FMO1: variants seen among roughly 807,000 people sequenced by gnomAD.
FMO1 encodes flavin-containing monooxygenase 1.
FMO1 carries 36 observed loss-of-function variants against 45.4 expected under a neutral mutation model. The ratio of observed to expected loss-of-function variants is 0.79; its 90% CI spans 0.61 to 1.05. FMO1 has a LOEUF of 1.05. FMO1 is among the 50% of genes least tolerant of loss of function. The pLI, the probability that FMO1 is intolerant of heterozygous loss-of-function variation, is 0.00. For missense variants in FMO1, 615 were observed against 640.3 expected (o/e 0.96, Z 0.43); for synonymous variants, 228 against 227.2 (o/e 1.00, Z -0.03).
At chr1:171,251,182 A>G (rs1240802286) in intron 1 of FMO1, among the ~76,000 whole-genome samples, 2 of 152,198 alleles carry the variant, frequency 1.3e-5, no homozygotes. Flanking sequence ...AATATCAATT[A>G]CCCTCTAACG....
intron 3 of FMO1, among the ~76,000 whole-genome samples, chr1:171,273,835 A>G (rs1467704613): frequency 6.6e-6 from 1 of 152,160 alleles, no homozygotes; most frequent in Non-Finnish European, 1.5e-5. Flanking sequence ...ATTTTAGAAC[A>G]ATTTTTAAAA....
chr1:171,257,019 A>G (rs902569994), intron 1 of FMO1, among the ~76,000 whole-genome samples: 4 of 152,216 alleles, frequency 2.6e-5, no homozygotes, highest in Non-Finnish European at 5.9e-5. Context: ...ATTCTTGGAA[A>G]TGCTTTTAAA....
At chr1:171,256,201 A>G (rs1183728648) in intron 1 of FMO1, among the ~76,000 whole-genome samples, 3 of 137,890 alleles carry the variant, frequency 2.2e-5, no homozygotes, top group Non-Finnish European at 4.6e-5. Flanking sequence ...TGAACCTAGG[A>G]GGCAGAGCTT....
intron 1 of FMO1, among the ~76,000 whole-genome samples, chr1:171,253,003 G>A (rs899487792): frequency 2.0e-5 from 3 of 152,082 alleles, no homozygotes; most frequent in African/African-American, 2.4e-5. Context: ...GATATTGTGC[G>A]CCTCCACATT....
Position 171,275,427 on chromosome 1 carries a change from C to T in FMO1, c.403C>T (p.Gln135Ter), listed in dbSNP as rs774200658. 2 of 1,613,550 alleles carry T rather than the reference C, an allele frequency of 1.2e-6. No homozygotes were observed. The highest frequency in any genetic ancestry group is 1.7e-6 in the Non-Finnish European group (2 of 1,179,498). Residue 135 changes from glutamine to a stop codon, truncating the protein, a stop_gained, in exon 4 of 9, where the codon CAA (glutamine) becomes TAA (stop). Coordinates refer to ENST00000617670, the MANE Select transcript of FMO1 (RefSeq NM_001282693.2). LOFTEE classifies it high-confidence loss of function. Reference sequence around the variant, plus strand: ...GGTGGTCACTATGCATGAAGAGAAGCAAGAGTCAGCCATCTTTGATGCTGT... The same window carrying T: ...GGTGGTCACTATGCATGAAGAGAAGTAAGAGTCAGCCATCTTTGATGCTGT... ...WEVVTMHEEK[Q>*]ESAIFDAVMV...
chr1:171,253,203 T>C (rs1432126491), intron 1 of FMO1, among the ~76,000 whole-genome samples: 1 of 152,222 alleles, frequency 6.6e-6, no homozygotes, highest in Non-Finnish European at 1.5e-5. Flanking sequence ...TATATTTCCC[T>C]ACTCATTTCC....
chr1:171,250,650 C>G (rs1259651267), intron 1 of FMO1, among the ~76,000 whole-genome samples: 1 of 152,182 alleles, frequency 6.6e-6, no homozygotes, highest in Non-Finnish European at 1.5e-5. Flanking sequence ...AAATCAGTCA[C>G]TTTTATACAA....
intron 1 of FMO1, chr1:171,257,753 T>C (rs1474835679): frequency 8.5e-6 from 3 of 350,998 alleles, no homozygotes; most frequent in Non-Finnish European, 1.7e-5. Context: ...GGCCACAGAA[T>C]GGAGACTAGA....
In FMO1 at chr1:171,266,851, C is replaced by A. The variant is rs776992775; in HGVS notation, c.133-692C>A. On this transcript the variant is annotated intron_variant, in intron 2 of 8. Transcript: ENST00000617670. The stretch of plus-strand genomic sequence containing the variant: ...GAGGCAATGTATATTAAAGACATTA[C>A]TAAAACTGTTTATCATTCAACTTTG... Among the ~76,000 whole-genome samples the A allele has an allele frequency of 7.2e-5, 11 of 152,194 alleles. No homozygotes were observed. In the South Asian group the frequency reaches 1.4e-3, roughly 20 times the overall value.
Position 171,285,545 on chromosome 1 carries a change from G to C in FMO1, c.*1G>C. The C allele has an allele frequency of 1.4e-6, 2 of 1,481,210 alleles. No homozygotes were observed. Among genetic ancestry groups the C allele is most frequent in the Non-Finnish European group, 1.8e-6 (2 of 1,104,832 alleles). The allele number at this position is 1,481,210 out of a possible 1,614,324, so 91.8% of individuals were successfully genotyped here. A position where few individuals can be genotyped will look rare whatever the true frequency, so the allele number is the denominator to read the frequency against. On this transcript the variant is annotated 3_prime_UTR_variant, in exon 9 of 9. Coordinates refer to ENST00000617670, the MANE Select transcript of FMO1 (RefSeq NM_001282693.2). ...GGCTATTTTTCTGATTTTCCTATAAGTAAAAGATCTCCTAAATGGAAGATG... is the reference window on the plus strand; with the variant it reads ...GGCTATTTTTCTGATTTTCCTATAACTAAAAGATCTCCTAAATGGAAGATG...
chr1:171,273,929 G>A (rs1047421650), intron 3 of FMO1, among the ~76,000 whole-genome samples: 1 of 152,088 alleles, frequency 6.6e-6, no homozygotes, highest in Non-Finnish European at 1.5e-5. Context: ...ACTTTGGGGG[G>A]CCAAGGTGGG....
intron 3 of FMO1, among the ~76,000 whole-genome samples, chr1:171,269,130 C>T (rs372078268): frequency 2.6e-5 from 4 of 152,142 alleles, no homozygotes; most frequent in African/African-American, 9.7e-5. Flanking sequence ...ATTGCCAGGT[C>T]TCTGGTATGT....
At chr1:171,267,358 C>A (rs942298642) in intron 2 of FMO1, among the ~76,000 whole-genome samples, 185 bp from the exon 3 acceptor site, 4 of 152,190 alleles carry the variant, frequency 2.6e-5, no homozygotes, top group African/African-American at 9.7e-5. Context: ...TTCCAGAATA[C>A]CCCATAAAAC....
intron 3 of FMO1, 114 bp downstream of exon 3, chr1:171,267,845 G>C: frequency 2.9e-6 from 2 of 699,348 alleles, no homozygotes; most frequent in Admixed American, 5.7e-5. Flanking sequence ...CAATATTAAT[G>C]ACACCTGGCT....
Position 171,280,795 on chromosome 1 carries a change from A to C in FMO1, c.637A>C (p.Ser213Arg). ...ASHLAEKVFL[S>R]TTGGGWVISR... ...CTTTGATTGCTTCCAGGTGTTCCTC[A>C]GCACCACCGGAGGGGGATGGGTGAT... The change falls in exon 6 of 9, where the codon AGC becomes CGC. Residue 213 changes from serine (S) to arginine (R), a missense_variant. By Grantham distance (110) the Ser-to-Arg change is moderately radical. Coordinates refer to ENST00000617670, the MANE Select transcript of FMO1 (RefSeq NM_001282693.2). 6.2e-7 allele frequency: 1 copy of C among 1,612,438 alleles called. No homozygotes were observed. Among genetic ancestry groups the C allele is most frequent in the Non-Finnish European group, 8.5e-7 (1 of 1,179,632 alleles).
intron 2 of FMO1, among the ~76,000 whole-genome samples, chr1:171,263,854 T>C (rs1485131047): frequency 2.0e-5 from 3 of 151,998 alleles, no homozygotes; most frequent in Non-Finnish European, 4.4e-5. Context: ...CTGGGGCAGA[T>C]TGCACAGTGA....
chr1:171,278,947 G>T (rs929476912), intron 5 of FMO1, 76 bp downstream of exon 5: 23 of 1,145,958 alleles, frequency 2.0e-5, no homozygotes, highest in Admixed American at 5.5e-5. Context: ...TTGACACCAT[G>T]ATAAATGTTA....
chr1:171,281,989 AAG>A lies in FMO1; in HGVS notation c.842_843del (p.Glu281ValfsTer5). ...ATGTTTTTGTTTAGGACTCAGCTGA[AAG>A]AGTTTGTGCTAAATGATGAGCTCCC... On this transcript the variant is annotated frameshift_variant, in exon 7 of 9. Coordinates refer to ENST00000617670, the MANE Select transcript of FMO1 (RefSeq NM_001282693.2). LOFTEE classifies it high-confidence loss of function. 1.9e-6 allele frequency: 3 copies of A among 1,603,050 alleles called. No homozygotes were observed. Among genetic ancestry groups the A allele is most frequent in the Non-Finnish European group, 2.6e-6 (3 of 1,174,662 alleles).
At chr1:171,272,567 G>A (rs965866287) in intron 3 of FMO1, among the ~76,000 whole-genome samples, 1 of 152,230 alleles carries the variant, frequency 6.6e-6, no homozygotes, top group African/African-American at 2.4e-5. Context: ...AAAGCCACAG[G>A]AGCAGAGCTG....
Sources: gnomAD v4.1 joint callset for allele counts (sites outside exome capture counted in the v4.1 genomes callset) on GRCh38, gnomAD v4.1.1 for gene constraint, MANE v1.5 for transcripts, NCBI Gene and HGNC (gene_info 2026-07-23, HGNC 2026-07-21) for gene names.